The following CNTNAP2 variants were observed in gnomAD, a reference collection of about 807,000 sequenced individuals.
CNTNAP2 encodes the protein contactin-associated protein-like 2.
CNTNAP2 carries 98 observed loss-of-function variants against 155.2 expected under a neutral mutation model. The ratio of observed to expected loss-of-function variants is 0.63; its 90% CI spans 0.54 to 0.75. The LOEUF (loss-of-function observed/expected upper bound fraction) is 0.75, where lower values mean the gene tolerates loss of function less well. CNTNAP2 is among the 30% of genes least tolerant of loss of function. The pLI, the probability that CNTNAP2 is intolerant of heterozygous loss-of-function variation, is 0.00. For synonymous variants in CNTNAP2, 651 were observed against 631.2 expected (o/e 1.03, Z -0.47); for missense variants, 1,727 against 1,688.1 (o/e 1.02, Z -0.40).
intron 1 of CNTNAP2, among the ~76,000 whole-genome samples, chr7:146,739,277 ACTT>A (rs1801670646): frequency 6.6e-6 from 1 of 151,898 alleles, no homozygotes; most frequent in African/African-American, 2.4e-5. Flanking sequence ...TTGCTATAAA[ACTT>A]CTTAGAATGG....
At chr7:146,243,323 A>C (rs1440842468) in intron 1 of CNTNAP2, among the ~76,000 whole-genome samples, 1 of 152,156 alleles carries the variant, frequency 6.6e-6, no homozygotes, top group Non-Finnish European at 1.5e-5. Context: ...TAACTCCTAC[A>C]TATATAACAG....
At chr7:146,520,449 T>C (rs1201717941) in intron 1 of CNTNAP2, among the ~76,000 whole-genome samples, 1 of 151,272 alleles carries the variant, frequency 6.6e-6, no homozygotes, top group African/African-American at 2.4e-5. Context: ...AACAAATGTG[T>C]GCTGAATTAA....
At chr7:148,271,835 A>C (rs561957193) in intron 21 of CNTNAP2, among the ~76,000 whole-genome samples, 49 of 152,308 alleles carry the variant, frequency 3.2e-4, no homozygotes, top group Non-Finnish European at 5.1e-4. Context: ...TTGTGTAAAA[A>C]TCCATCTGTA....
At position 146,120,764 on chromosome 7, in the gene CNTNAP2, T is replaced by A. The variant is rs111263999; in HGVS notation, c.97+3791T>A. The stretch of plus-strand genomic sequence containing the variant: ...GTATGATGAGATACACAAAGAGGCA[T>A]TGTGTTATAATTGCCTATAGTATTC... On this transcript the variant is annotated intron_variant, in intron 1 of 23. Transcript: ENST00000361727. Among the ~76,000 whole-genome samples, 55 of 152,244 alleles carry A rather than the reference T, an allele frequency of 3.6e-4. 2 individuals are homozygous for A. In the East Asian group the frequency reaches 0.01, roughly 29 times the overall value.
intron 11 of CNTNAP2, among the ~76,000 whole-genome samples, chr7:147,507,550 C>CTTTTTT (rs3052511): frequency 2.1e-4 from 17 of 82,020 alleles, no homozygotes; most frequent in Admixed American, 3.2e-4. Flanking sequence ...CTCTTTCTTT[C>CTTTTTT]TTTTTTTTTT....
intron 9 of CNTNAP2, among the ~76,000 whole-genome samples, chr7:147,386,601 T>C (rs1243829465): frequency 1.3e-5 from 2 of 152,184 alleles, no homozygotes; most frequent in African/African-American, 4.8e-5. Context: ...AAGTTCCTCA[T>C]CTCCATCTGA....
intron 12 of CNTNAP2, among the ~76,000 whole-genome samples, chr7:147,587,021 C>T (rs992385137): frequency 1.3e-5 from 2 of 152,098 alleles, no homozygotes; most frequent in South Asian, 2.1e-4. Context: ...ATACTGGCAA[C>T]CTAACAAACC....
At chr7:148,022,597 C>T (rs1476660309) in intron 15 of CNTNAP2, among the ~76,000 whole-genome samples, 1 of 151,968 alleles carries the variant, frequency 6.6e-6, no homozygotes, top group Non-Finnish European at 1.5e-5. Flanking sequence ...ATCAGTGTGC[C>T]CTGTGTGGTT....
chr7:147,663,675 A>G (rs1795651484), intron 13 of CNTNAP2, among the ~76,000 whole-genome samples: 1 of 152,222 alleles, frequency 6.6e-6, no homozygotes, highest in Non-Finnish European at 1.5e-5. Context: ...CAGTTTGCAT[A>G]CTGTTTGCAA....
intron 1 of CNTNAP2, among the ~76,000 whole-genome samples, chr7:146,662,760 CATTTT>C (rs1244554365): frequency 2.0e-5 from 3 of 152,060 alleles, no homozygotes; most frequent in African/African-American, 7.2e-5. Context: ...GTCTATGATT[CATTTT>C]AAGTTGGTTG....
At position 146,137,375 on chromosome 7, in the gene CNTNAP2, C is replaced by A. The variant is rs368928991; in HGVS notation, c.97+20402C>A. ...TTGAAATATCTACTTATTTCATCTGCCACATGAAAATAGGACTGTTTCATC... is the reference window on the plus strand; with the variant it reads ...TTGAAATATCTACTTATTTCATCTGACACATGAAAATAGGACTGTTTCATC... On this transcript the variant is annotated intron_variant, in intron 1 of 23. Coordinates refer to ENST00000361727, the MANE Select transcript of CNTNAP2 (RefSeq NM_014141.6). Among the ~76,000 whole-genome samples, 10 of 152,194 alleles carry A rather than the reference C, an allele frequency of 6.6e-5. No individual in the cohort carries two copies. In the East Asian group the frequency reaches 7.7e-4, roughly 12 times the overall value.
intron 5 of CNTNAP2, among the ~76,000 whole-genome samples, chr7:147,111,753 G>C (rs185578294): frequency 1.8e-3 from 278 of 152,278 alleles, no homozygotes; most frequent in African/African-American, 6.4e-3. Context: ...GTACCATGCT[G>C]TTTTGGTTAC....
chr7:146,684,655 A>AAAAAAAC (rs1800564005), intron 1 of CNTNAP2, among the ~76,000 whole-genome samples: 7 of 151,192 alleles, frequency 4.6e-5, no homozygotes, highest in Admixed American at 6.6e-5. Context: ...AAAAAAAAAA[A>AAAAAAAC]AAAAGCTGGA....
chr7:147,982,755 C>T (rs1801552936), intron 15 of CNTNAP2, among the ~76,000 whole-genome samples: 1 of 152,070 alleles, frequency 6.6e-6, no homozygotes, highest in Admixed American at 6.5e-5. Flanking sequence ...TGGTGGCTCA[C>T]ACCTGTAATC....
chr7:146,721,580 C>CATTATAT (rs1563203770), intron 1 of CNTNAP2, among the ~76,000 whole-genome samples: 1 of 90,532 alleles, frequency 1.1e-5, no homozygotes, highest in African/African-American at 5.4e-5. Context: ...ATTCTATATA[C>CATTATAT]ATTCTATATA....
In CNTNAP2 at chr7:148,418,016, A is replaced by G. The variant is rs1303324781; in HGVS notation, c.*2400A>G. ...CTCCCATATCACCATCAATTAAGAC[A>G]TATAGGACACTGTCTTCCTTCAAGA... is the stretch of plus-strand genomic sequence containing the variant. On this transcript the variant is annotated 3_prime_UTR_variant, in exon 24 of 24. Coordinates refer to ENST00000361727, the MANE Select transcript of CNTNAP2 (RefSeq NM_014141.6). 6.6e-6 allele frequency: 1 copy of G among 152,214 alleles called. No homozygotes were observed. Among genetic ancestry groups the G allele is most frequent in the Non-Finnish European group, 1.5e-5 (1 of 68,052 alleles). The allele number at this position is 152,214 out of a possible 1,614,324, so 9.4% of individuals were successfully genotyped here.
chr7:148,011,094 A>G (rs12536160), intron 15 of CNTNAP2, among the ~76,000 whole-genome samples: 6,039 of 152,256 alleles, frequency 0.04, 243 homozygotes, highest in East Asian at 0.24. Flanking sequence ...CACATTACAT[A>G]TAATTCATCC....
chr7:148,198,483 T>C (rs1485219650), intron 18 of CNTNAP2, among the ~76,000 whole-genome samples: 1 of 152,184 alleles, frequency 6.6e-6, no homozygotes, highest in Non-Finnish European at 1.5e-5. Flanking sequence ...GGTTAAGCTA[T>C]GTAAATGTCT....
At chr7:146,205,068 CAAGT>C (rs1798925572) in intron 1 of CNTNAP2, among the ~76,000 whole-genome samples, 1 of 151,962 alleles carries the variant, frequency 6.6e-6, no homozygotes, top group African/African-American at 2.4e-5. Context: ...AAATTGTAGG[CAAGT>C]AAGCAAGTGT....
Sources: gnomAD v4.1 joint callset for allele counts (sites outside exome capture counted in the v4.1 genomes callset) on GRCh38, gnomAD v4.1.1 for gene constraint, MANE v1.5 for transcripts, NCBI Gene and HGNC (gene_info 2026-07-23, HGNC 2026-07-21) for gene names.